Variants in TTC34 observed in about 807,000 individuals in gnomAD.
TTC34 encodes the protein tetratricopeptide repeat protein 34.
A neutral mutation model predicts 40.7 loss-of-function variants in TTC34; 44 were observed. The ratio of observed to expected loss-of-function variants is 1.08; its 90% CI spans 0.85 to 1.39. The LOEUF is 1.39. TTC34 is among the 40% of genes most tolerant of loss of function. TTC34 has a pLI of 0.00. For missense variants in TTC34, 884 were observed against 838.0 expected, an observed-to-expected ratio of 1.05 and a Z score of -0.68; for synonymous variants, 422 against 398.6, an observed-to-expected ratio of 1.06 and a Z score of -0.70.
At chr1:2,750,561 A>T in intron 6 of TTC34, among the ~76,000 whole-genome samples, 1 of 151,216 alleles carries the variant, frequency 6.6e-6, no homozygotes, top group South Asian at 2.1e-4. Flanking sequence ...GGCAGCACCC[A>T]CACCCCCAGG....
intron 6 of TTC34, among the ~76,000 whole-genome samples, chr1:2,777,688 T>TG (rs70956335): frequency 0.09 from 10,895 of 120,512 alleles, 954 homozygotes; most frequent in East Asian, 0.16. Context: ...GCAGAGGGCA[T>TG]GGGGGGGGGG....
At chr1:2,787,224 G>A (rs988063167) in intron 4 of TTC34, among the ~76,000 whole-genome samples, 5 of 152,190 alleles carry the variant, frequency 3.3e-5, no homozygotes, top group Admixed American at 6.5e-5. Flanking sequence ...AAGCAGCTAC[G>A]CATGCAGGGA....
At chr1:2,797,284 C>T (rs1295175527) in intron 2 of TTC34, among the ~76,000 whole-genome samples, 1 of 151,532 alleles carries the variant, frequency 6.6e-6, no homozygotes, top group East Asian at 1.9e-4. Flanking sequence ...TCCTCACCTC[C>T]AGATGTCTGC....
At chr1:2,691,264 C>G (rs1277568677) in intron 6 of TTC34, among the ~76,000 whole-genome samples, 2 of 90,724 alleles carry the variant, frequency 2.2e-5, no homozygotes, top group Admixed American at 2.1e-4. Context: ...ACCCACACCC[C>G]CAGGTGAGAA....
intron 6 of TTC34, among the ~76,000 whole-genome samples, chr1:2,653,613 C>G (rs1287416103): frequency 8.0e-6 from 1 of 125,278 alleles, no homozygotes; most frequent in Non-Finnish European, 1.7e-5. Flanking sequence ...CCTACACCCA[C>G]AAGTGAGCAT....
At chr1:2,686,832 A>ATCTGACAGCCAGGAACATCACCCT (rs1557612123) in intron 6 of TTC34, among the ~76,000 whole-genome samples, 1 of 67,894 alleles carries the variant, frequency 1.5e-5, no homozygotes, top group African/African-American at 7.2e-5. Context: ...AGCCTGGAGC[A>ATCTGACAGCCAGGAACATCACCCT]GCACCCCACA....
At chr1:2,675,627 GGAGCAGCACCCCA>G (rs1639884148) in intron 6 of TTC34, among the ~76,000 whole-genome samples, 1 of 123,456 alleles carries the variant, frequency 8.1e-6, no homozygotes, top group Non-Finnish European at 1.8e-5. Context: ...CGGACAGCCT[GGAGCAGCACCCCA>G]CACCCCCAGG....
intron 6 of TTC34, among the ~76,000 whole-genome samples, chr1:2,700,413 C>G (rs1204613185): frequency 9.0e-6 from 1 of 110,934 alleles, no homozygotes; most frequent in African/African-American, 2.8e-5. Context: ...GCACCCACAC[C>G]CCTAGGCGAG....
intron 6 of TTC34, among the ~76,000 whole-genome samples, chr1:2,683,150 G>A (rs147133966): frequency 0.39 from 18,998 of 48,456 alleles, 1,403 homozygotes; most frequent in Non-Finnish European, 0.43. Flanking sequence ...AGCACGCACA[G>A]CCCCAGGAGA....
intron 6 of TTC34, among the ~76,000 whole-genome samples, chr1:2,685,076 C>A (rs1348222773): frequency 3.7e-5 from 5 of 134,762 alleles, no homozygotes; most frequent in African/African-American, 9.3e-5. Flanking sequence ...CAGCAGCCTG[C>A]ACCCCCAGGT....
At chr1:2,755,804 G>T (rs1465149630) in intron 6 of TTC34, among the ~76,000 whole-genome samples, 37 of 80,916 alleles carry the variant, frequency 4.6e-4, no homozygotes, top group African/African-American at 1.2e-3. Context: ...GCATCTGATG[G>T]TCTGGAGCAG....
intron 6 of TTC34, among the ~76,000 whole-genome samples, chr1:2,686,688 G>A (rs1233994004): frequency 4.6e-5 from 7 of 151,108 alleles, no homozygotes; most frequent in African/African-American, 1.7e-4. Flanking sequence ...TGCACCCCCA[G>A]GTGCGCACGT....
At chr1:2,783,863 G>A in intron 5 of TTC34, 88 bp from the exon 6 acceptor site, 1 of 1,268,704 alleles carries the variant, frequency 7.9e-7, no homozygotes, top group Non-Finnish European at 1.0e-6. Context: ...AGGGCAGAGG[G>A]TGCATGAGCT....
At position 2,645,283 on chromosome 1, in the gene TTC34, C is replaced by T. The variant is rs1043449048; in HGVS notation, c.2497+10G>A. ...GACCCCGTGTTTCCCACCTTGGGGCCGCCGCATACCCTGTGCCATGAGAAT... is the reference window on the plus strand; with the variant it reads ...GACCCCGTGTTTCCCACCTTGGGGCTGCCGCATACCCTGTGCCATGAGAAT... On this transcript the variant is annotated intron_variant, in intron 7 of 8. Transcript: ENST00000401095. The surrounding 1 kb of genome is among the most constrained non-coding windows in gnomAD (Gnocchi z 4.7). The T allele has an allele frequency of 1.4e-5, 21 of 1,450,662 alleles. No individual in the cohort carries two copies. The highest frequency in any genetic ancestry group is 7.6e-5 in the East Asian group (3 of 39,646). The allele number at this position is 1,450,662 out of a possible 1,614,324, so 89.9% of individuals were successfully genotyped here. A position where few individuals can be genotyped will look rare whatever the true frequency, so the allele number is the denominator to read the frequency against.
chr1:2,767,845 A>T (rs1159316681), intron 6 of TTC34, among the ~76,000 whole-genome samples: 4 of 147,164 alleles, frequency 2.7e-5, no homozygotes, highest in African/African-American at 7.6e-5. Flanking sequence ...CAGCACCCAC[A>T]CCCCCAGGTG....
intron 8 of TTC34, among the ~76,000 whole-genome samples, chr1:2,642,493 C>T (rs1282519872): frequency 6.6e-6 from 1 of 152,162 alleles, no homozygotes; most frequent in Non-Finnish European, 1.5e-5. Context: ...TGCTGCTGGC[C>T]AGGCCTGCCT....
In TTC34 at chr1:2,800,246, G is replaced by T; in HGVS notation, c.582C>A (p.Tyr194Ter). The T allele has an allele frequency of 2.5e-6, 1 of 398,542 alleles. No homozygotes were observed. The highest frequency in any genetic ancestry group is 4.4e-6 in the Non-Finnish European group (1 of 225,986). The allele number at this position is 398,542 out of a possible 1,614,324, so 24.7% of individuals were successfully genotyped here. A position where few individuals can be genotyped will look rare whatever the true frequency, so the allele number is the denominator to read the frequency against. ...GCCCAGCCTCCGGGTGCCCCGAGAG[G>T]TAGTCCTGGAGGGCACTGAGCAGCG... The change falls in exon 2 of 9, where the codon TAC (tyrosine) becomes TAA (stop). Residue 194 changes from tyrosine to a stop codon, truncating the protein, a stop_gained. Coordinates refer to ENST00000401095, the Ensembl canonical transcript of TTC34. LOFTEE classifies it high-confidence loss of function.
chr1:2,789,587 A>G (rs1643637715), exon 3 of TTC34: 3 of 1,446,294 alleles, frequency 2.1e-6, no homozygotes, highest in Non-Finnish European at 2.7e-6. Flanking sequence ...AGATCGCTGC[A>G]GCATCCCACG....
intron 1 of TTC34, among the ~76,000 whole-genome samples, chr1:2,801,093 C>T (rs1036680449): frequency 9.2e-5 from 14 of 152,116 alleles, no homozygotes; most frequent in Non-Finnish European, 1.5e-4. Context: ...GCCTCAGTTT[C>T]GTGCCTTGCA....
Sources: gnomAD v4.1 joint callset for allele counts (sites outside exome capture counted in the v4.1 genomes callset) on GRCh38, gnomAD v4.1.1 for gene constraint, Gnocchi (gnomAD v3.1) non-coding constraint, MANE v1.5 for transcripts, NCBI Gene and HGNC (gene_info 2026-07-23, HGNC 2026-07-21) for gene names.